CDH8: variants seen among roughly 807,000 people sequenced by gnomAD.
The protein encoded by CDH8 is cadherin-8.
Under a neutral mutation model 68.1 loss-of-function variants are expected in CDH8, and 17 were observed. The ratio of observed to expected loss-of-function variants is 0.25; its 90% confidence interval spans 0.17 to 0.37. The LOEUF (loss-of-function observed/expected upper bound fraction) is 0.37. CDH8 is among the 10% of genes least tolerant of loss of function. The probability of loss-of-function intolerance (pLI) is 1.00; values close to 1 mark genes in which losing one functional copy is unlikely to be tolerated. For synonymous variants in CDH8, 372 were observed against 365.1 expected (o/e 1.02, Z -0.21); for missense variants, 763 against 999.3 (o/e 0.76, Z 3.19).
chr16:61,928,807 G>C (rs985234612), intron 2 of CDH8, among the ~76,000 whole-genome samples: 9 of 152,150 alleles, frequency 5.9e-5, no homozygotes, highest in African/African-American at 2.2e-4. Flanking sequence ...GCCTAAAATG[G>C]CATCTGAACA....
intron 5 of CDH8, 91 bp from the exon 6 acceptor site, chr16:61,821,204 C>A: frequency 1.1e-6 from 1 of 885,898 alleles, no homozygotes; most frequent in South Asian, 1.9e-5. Flanking sequence ...CTCCTTTGTT[C>A]TGGGCATTCC....
At chr16:61,953,539 T>C (rs1254966253) in intron 2 of CDH8, among the ~76,000 whole-genome samples, 1 of 151,422 alleles carries the variant, frequency 6.6e-6, no homozygotes, top group Non-Finnish European at 1.5e-5. Flanking sequence ...TCCCAAAATT[T>C]CTGAGTATGA....
At chr16:61,790,565 T>A (rs956711951) in intron 7 of CDH8, among the ~76,000 whole-genome samples, 1 of 152,044 alleles carries the variant, frequency 6.6e-6, no homozygotes, top group Non-Finnish European at 1.5e-5. Context: ...TCTCTATTCA[T>A]TGATACTCAT....
chr16:61,892,063 T>C (rs1178218975), intron 3 of CDH8, among the ~76,000 whole-genome samples: 3 of 152,266 alleles, frequency 2.0e-5, no homozygotes. Flanking sequence ...ATAAAAAATA[T>C]GAAAATGAGC....
intron 7 of CDH8, among the ~76,000 whole-genome samples, chr16:61,804,021 T>C (rs1455722099): frequency 7.6e-6 from 1 of 131,558 alleles, no homozygotes; most frequent in East Asian, 2.0e-4. Context: ...ATACATTTTT[T>C]TCAGCACCAC....
At chr16:61,847,003 T>C (rs1322549384) in intron 4 of CDH8, among the ~76,000 whole-genome samples, 1 of 152,106 alleles carries the variant, frequency 6.6e-6, no homozygotes, top group African/African-American at 2.4e-5. Flanking sequence ...AATAATCAGA[T>C]GCTGGGATAT....
intron 7 of CDH8, among the ~76,000 whole-genome samples, chr16:61,789,970 C>T (rs1194617421): frequency 6.6e-6 from 1 of 151,700 alleles, no homozygotes; most frequent in Non-Finnish European, 1.5e-5. Context: ...TGGTGGTGGT[C>T]GTTTGTTTTG....
chr16:61,930,902 TG>T (rs1444290090), intron 2 of CDH8, among the ~76,000 whole-genome samples: 1 of 152,216 alleles, frequency 6.6e-6, no homozygotes, highest in Non-Finnish European at 1.5e-5. Context: ...TTCTTCAATG[TG>T]TAGCTTGAAT....
At chr16:61,959,518 T>TCCTC (rs1190647181) in intron 2 of CDH8, among the ~76,000 whole-genome samples, 2 of 85,578 alleles carry the variant, frequency 2.3e-5, no homozygotes, top group Non-Finnish European at 4.1e-5. Context: ...CCCTGCCTTA[T>TCCTC]CCTCCCTCTC....
chr16:61,992,571 C>T (rs1296947147), intron 2 of CDH8, among the ~76,000 whole-genome samples: 5 of 151,654 alleles, frequency 3.3e-5, no homozygotes, highest in Non-Finnish European at 7.4e-5. Context: ...TGCACATGTA[C>T]CCTAAAACTT....
In CDH8 at chr16:61,663,863, T is replaced by C. The variant is rs142056235; in HGVS notation, c.1655-8142A>G. On this transcript the variant is annotated intron_variant, in intron 10 of 11. Coordinates refer to ENST00000577390, the MANE Select transcript of CDH8 (RefSeq NM_001796.5). ...TGGATAATAGATAAACATGTATAAC[T>C]ATATATATGTGTGTGTATGTGTGTC... 1.7e-3 allele frequency among the ~76,000 whole-genome samples: 263 copies of C among 151,220 alleles called. 1 individual carries two copies. Among genetic ancestry groups the C allele is most frequent in the African/African-American group, 6.1e-3 (254 of 41,444 alleles).
intron 2 of CDH8, among the ~76,000 whole-genome samples, chr16:61,960,376 CAT>C (rs201011141): frequency 0.016 from 1,389 of 89,344 alleles, 341 homozygotes; most frequent in Admixed American, 0.059. Flanking sequence ...TACATATATA[CAT>C]GTGTGTGTGT....
At chr16:61,793,195 G>A (rs1216904817) in intron 7 of CDH8, among the ~76,000 whole-genome samples, 1 of 151,828 alleles carries the variant, frequency 6.6e-6, no homozygotes, top group African/African-American at 2.4e-5. Flanking sequence ...GATCACACTG[G>A]CATGCTAATC....
chr16:61,946,742 G>T (rs3784844), intron 2 of CDH8, among the ~76,000 whole-genome samples: 18 of 151,916 alleles, frequency 1.2e-4, no homozygotes, highest in Non-Finnish European at 1.9e-4. Context: ...AGGTGAAACA[G>T]GGTTACTCTG....
intron 2 of CDH8, among the ~76,000 whole-genome samples, chr16:61,967,293 C>T (rs935608990): frequency 6.6e-6 from 1 of 152,130 alleles, no homozygotes; most frequent in African/African-American, 2.4e-5. Context: ...GCCAACATAT[C>T]CCATGTATGG....
chr16:61,784,842 G>A (rs1166805220), intron 8 of CDH8, among the ~76,000 whole-genome samples: 1 of 152,048 alleles, frequency 6.6e-6, no homozygotes, highest in Admixed American at 6.5e-5. Context: ...TGACTACTGG[G>A]TACATAATGA....
Position 61,857,128 on chromosome 16 carries a change from G to A in CDH8, c.658C>T (p.Pro220Ser). ...AATTTAGGCCACAAACCTGTTTCAG[G>A]CTCAATGGAAAAATAAGGCTGCCCT... ...LEGQPYFSIE[P>S]ETAIIKTALP... The change falls in exon 4 of 12, where the codon CCT becomes TCT. Residue 220 changes from proline to serine, a missense_variant. By Grantham distance (74) the Pro-to-Ser change is moderately conservative. Transcript: ENST00000577390. 1 of 1,613,470 alleles carries A rather than the reference G, an allele frequency of 6.2e-7. No homozygotes were observed. Among genetic ancestry groups the A allele is most frequent in the Non-Finnish European group, 8.5e-7 (1 of 1,179,546 alleles).
chr16:61,836,684 C>A (rs973143308), intron 4 of CDH8, among the ~76,000 whole-genome samples: 2 of 151,912 alleles, frequency 1.3e-5, no homozygotes, highest in Non-Finnish European at 2.9e-5. Flanking sequence ...GACCATCGAA[C>A]ATAGACTGAC....
intron 2 of CDH8, among the ~76,000 whole-genome samples, chr16:62,011,660 C>T (rs1330064600): frequency 8.6e-6 from 1 of 116,332 alleles, no homozygotes; most frequent in Admixed American, 9.3e-5. Context: ...ATAAGAATGA[C>T]CTGGGGGTAG....
Sources: allele counts gnomAD v4.1 joint callset (sites outside exome capture counted in the v4.1 genomes callset), GRCh38; gene constraint gnomAD v4.1.1; transcripts MANE v1.5; gene names NCBI Gene and HGNC (gene_info 2026-07-23, HGNC 2026-07-21).